Variants in MMP20 observed in about 807,000 individuals in gnomAD.
MMP20 encodes matrix metalloproteinase-20.
Under a neutral mutation model 51.8 loss-of-function variants are expected in MMP20, and 50 were observed. The ratio of observed to expected loss-of-function variants is 0.97; its 90% CI spans 0.77 to 1.22. The LOEUF (loss-of-function observed/expected upper bound fraction) is 1.22, where lower values mean the gene tolerates loss of function less well. MMP20 is among the 50% of genes most tolerant of loss of function. The pLI is 0.00. For missense variants in MMP20, 663 were observed against 601.4 expected (o/e 1.10, Z -1.07); for synonymous variants, 244 against 216.2 (o/e 1.13, Z -1.13).
intron 9 of MMP20, among the ~76,000 whole-genome samples, chr11:102,578,145 G>GT (rs1859148037): frequency 7.7e-6 from 1 of 129,990 alleles, no homozygotes. Flanking sequence ...GCTTGAGACA[G>GT]ATTTTTTTTT....
chr11:102,617,183 GAA>G (rs925465761), intron 1 of MMP20, 124 bp from the exon 2 acceptor site: 17 of 1,144,550 alleles, frequency 1.5e-5, no homozygotes, highest in Non-Finnish European at 2.0e-5. Context: ...TCCCATTTAT[GAA>G]AAAAGTAGAC....
chr11:102,609,443 T>G (rs977420822), intron 4 of MMP20, among the ~76,000 whole-genome samples: 4 of 152,202 alleles, frequency 2.6e-5, no homozygotes, highest in African/African-American at 9.7e-5. Context: ...AATGCCTTAA[T>G]AGTTCCCTGC....
intron 8 of MMP20, among the ~76,000 whole-genome samples, chr11:102,582,094 G>C (rs1859202968): frequency 6.6e-6 from 1 of 152,304 alleles, no homozygotes; most frequent in South Asian, 2.1e-4. Context: ...GCCTGCAACA[G>C]ATATCTGATG....
In MMP20 at chr11:102,597,126, A is replaced by T. The variant is rs557100658; in HGVS notation, c.954-2369T>A. Among the ~76,000 whole-genome samples, 14 of 152,336 alleles carry T rather than the reference A, an allele frequency of 9.2e-5. No homozygotes were observed. In the South Asian group the frequency reaches 2.7e-3, roughly 29 times the overall value. ...GTAGAGGAGCAGATATGTCTTCCCA[A>T]AACTAGGCTCTGTCTGAATGATGTC... is the stretch of plus-strand genomic sequence containing the variant. On this transcript the variant is annotated intron_variant, in intron 6 of 9. Transcript: ENST00000260228.
chr11:102,605,302 C>G (rs189987373), intron 6 of MMP20: 6 of 152,232 alleles, frequency 3.9e-5, no homozygotes, highest in African/African-American at 1.4e-4. Context: ...GAATACATTT[C>G]TGTTGTCTAA....
Position 102,609,924 on chromosome 11 carries a change from C to T in MMP20, c.630G>A (p.Lys210=). 1 of 1,614,198 alleles carries T rather than the reference C, an allele frequency of 6.2e-7. No homozygotes were observed. The change falls in exon 4 of 10, where the codon AAG becomes AAA. Residue 210 remains lysine, a synonymous_variant. Coordinates refer to ENST00000260228, the MANE Select transcript of MMP20 (RefSeq NM_004771.4). ...GGDTHFDNAE[K]WTMGTNGFNL... is the part of the protein sequence containing the mutation. ...ATATACCATTCGTTCCCATAGTCCA[C>T]TTCTCAGCATTGTCGAAATGTGTAT...
At chr11:102,605,576 C>A (rs1455393817) in intron 6 of MMP20, 1 of 151,944 alleles carries the variant, frequency 6.6e-6, no homozygotes, top group Non-Finnish European at 1.5e-5. Context: ...TGTTTTGTTT[C>A]ATGGGCCTAA....
At chr11:102,589,739 C>A (rs933556499) in intron 8 of MMP20, among the ~76,000 whole-genome samples, 1 of 152,142 alleles carries the variant, frequency 6.6e-6, no homozygotes, top group Non-Finnish European at 1.5e-5. Context: ...CAGGCTGACA[C>A]ATAATATGTC....
chr11:102,589,094 A>G (rs1219878024), intron 8 of MMP20, among the ~76,000 whole-genome samples: 1 of 152,226 alleles, frequency 6.6e-6, no homozygotes, highest in Non-Finnish European at 1.5e-5. Flanking sequence ...AGGCATTGAC[A>G]CTACATGATC....
At chr11:102,578,323 G>A (rs12792880) in intron 9 of MMP20, among the ~76,000 whole-genome samples, 1 of 151,686 alleles carries the variant, frequency 6.6e-6, no homozygotes, top group African/African-American at 2.4e-5. Flanking sequence ...TTTTTGTAGA[G>A]ACAGAGTTTT....
chr11:102,616,948 C>A lies in MMP20; in HGVS notation c.238G>T (p.Gly80Cys). ...TCTAACTTCCCGGTGACTTGGAGGC[C>A]AAAGAACGCTTGTAGCTCCTTAATC... is the stretch of plus-strand genomic sequence containing the variant. Reference protein sequence around the residue: ...RKIKELQAFFGLQVTGKLDQT... With the variant: ...RKIKELQAFFCLQVTGKLDQT... Residue 80 changes from glycine (G) to cysteine (C), a missense_variant, in exon 2 of 10, where the codon GGC becomes TGC. Transcript: ENST00000260228. The A allele has an allele frequency of 4.3e-6, 7 of 1,614,194 alleles. No homozygotes were observed. The highest frequency in any genetic ancestry group is 5.9e-6 in the Non-Finnish European group (7 of 1,180,032).
chr11:102,605,259 G>A (rs1261775525), intron 6 of MMP20: 1 of 152,140 alleles, frequency 6.6e-6, no homozygotes, highest in Non-Finnish European at 1.5e-5. Flanking sequence ...GCAGTACCTT[G>A]ATCTTGAACT....
chr11:102,588,279 GTATC>G (rs1859276775), intron 8 of MMP20, among the ~76,000 whole-genome samples: 1 of 151,748 alleles, frequency 6.6e-6, no homozygotes, highest in Non-Finnish European at 1.5e-5. Flanking sequence ...TATACCTATT[GTATC>G]TATCTACATC....
intron 1 of MMP20, 121 bp from the exon 2 acceptor site, chr11:102,617,180 T>C (rs979526592): frequency 2.4e-6 from 3 of 1,239,616 alleles, no homozygotes; most frequent in Non-Finnish European, 3.4e-6. Context: ...TTTTCCCATT[T>C]ATGAAAAAAG....
In MMP20 at chr11:102,608,980, G is replaced by A. The variant is rs776878076; in HGVS notation, c.768C>T (p.Phe256=). Residue 256 remains phenylalanine (F), a synonymous_variant, in exon 5 of 10, where the codon TTC becomes TTT. Coordinates refer to ENST00000260228, the MANE Select transcript of MMP20 (RefSeq NM_004771.4). ...CTTTCACATCATCTTTGGGGAGGTG[G>A]AATCCATAGGGATTCTTGTACTTAT... is the stretch of plus-strand genomic sequence containing the variant. The part of the protein sequence containing the change: ...PTYKYKNPYG[F]HLPKDDVKGI... 8 of 1,614,096 alleles carry A rather than the reference G, an allele frequency of 5.0e-6. No homozygotes were observed. The highest frequency in any genetic ancestry group is 5.9e-6 in the Non-Finnish European group (7 of 1,179,964).
chr11:102,591,123 C>T (rs539987481), intron 8 of MMP20, among the ~76,000 whole-genome samples: 1 of 152,276 alleles, frequency 6.6e-6, no homozygotes, highest in South Asian at 2.1e-4. Flanking sequence ...ACATATGAGG[C>T]CCTGTAAAGC....
At chr11:102,579,495 A>G (rs1052018883) in intron 8 of MMP20, among the ~76,000 whole-genome samples, 4 of 151,762 alleles carry the variant, frequency 2.6e-5, no homozygotes, top group African/African-American at 9.7e-5. Flanking sequence ...TATTTTTTAT[A>G]AAGACAGGGT....
At chr11:102,585,279 A>G (rs1859242088) in intron 8 of MMP20, among the ~76,000 whole-genome samples, 1 of 152,084 alleles carries the variant, frequency 6.6e-6, no homozygotes, top group Admixed American at 6.5e-5. Context: ...TTCTTTCAAC[A>G]ATGTTTTGTA....
chr11:102,608,037 A>C (rs1341343061), intron 5 of MMP20: 1 of 152,140 alleles, frequency 6.6e-6, no homozygotes, highest in Non-Finnish European at 1.5e-5. Context: ...CTGATTTTGA[A>C]TGGTGTGCCC....
Sources: allele counts gnomAD v4.1 joint callset (sites outside exome capture counted in the v4.1 genomes callset), GRCh38; gene constraint gnomAD v4.1.1; transcripts MANE v1.5; gene names NCBI Gene and HGNC (gene_info 2026-07-23, HGNC 2026-07-21).